Variants in ATP7B observed in about 807,000 individuals in gnomAD.
ATP7B encodes the protein ATPase copper transporting beta, also known as copper-transporting ATPase 2.
In ATP7B, 113 loss-of-function variants were observed where a neutral mutation model predicts 118.9. The ratio of observed to expected loss-of-function variants is 0.95; its 90% CI spans 0.82 to 1.11. The LOEUF (loss-of-function observed/expected upper bound fraction) is 1.11. ATP7B is among the 50% of genes most tolerant of loss of function. ATP7B has a pLI of 0.00. For synonymous variants in ATP7B, 777 were observed against 727.4 expected (o/e 1.07, Z -1.10); for missense variants, 1,867 against 1,871.4 (o/e 1.00, Z 0.04).
chr13:51,940,141 T>C (rs1957241350), intron 16 of ATP7B, among the ~76,000 whole-genome samples: 1 of 149,498 alleles, frequency 6.7e-6, no homozygotes, highest in Non-Finnish European at 1.5e-5. Flanking sequence ...GCCTCCCAAG[T>C]AGCTGGGATT....
rs1593631119 is a variant in ATP7B at position 51,933,627 on chromosome 13, C to A, written c.*1129G>T. ...TGCTGTGGCCACTCCTTTTCTGAAG[C>A]CCCTGGGCAGCGTGCAGAATGCAGG... On this transcript the variant is annotated 3_prime_UTR_variant, in exon 21 of 21. Coordinates refer to ENST00000242839, the MANE Select transcript of ATP7B (RefSeq NM_000053.4). 6.6e-6 allele frequency: 1 copy of A among 152,200 alleles called. No homozygotes were observed. Among genetic ancestry groups the A allele is most frequent in the Non-Finnish European group, 1.5e-5 (1 of 68,060 alleles). 9.4% of individuals were successfully genotyped at this position (152,200 alleles called of 1,614,324 possible).
rs772001153 is a variant in ATP7B, at chr13:52,011,358, T to A, written c.-21A>T. 6.2e-7 allele frequency: 1 copy of A among 1,614,194 alleles called. No homozygotes were observed. The highest frequency in any genetic ancestry group is 8.5e-7 in the Non-Finnish European group (1 of 1,179,988). ...GGCATCGTCCCGCACGGACACCGAA[T>A]TCTTCTCTGATCTGGCTCAGAGCAA... On this transcript the variant is annotated 5_prime_UTR_variant, in exon 1 of 21. Coordinates refer to ENST00000242839, the MANE Select transcript of ATP7B (RefSeq NM_000053.4).
intron 1 of ATP7B, 63 bp downstream of exon 1, chr13:52,011,224 G>C (rs761339916): frequency 5.6e-6 from 9 of 1,611,550 alleles, no homozygotes; most frequent in East Asian, 2.2e-5. Context: ...CGCCGAACGC[G>C]GGGAGGAAAA....
chr13:51,985,007 A>C (rs577816629), intron 1 of ATP7B, among the ~76,000 whole-genome samples: 3 of 152,350 alleles, frequency 2.0e-5, no homozygotes, highest in African/African-American at 7.2e-5. Context: ...AAACTGCATC[A>C]ACTAATAGCC....
intron 1 of ATP7B, among the ~76,000 whole-genome samples, chr13:51,991,419 G>A (rs557731622): frequency 1.3e-5 from 2 of 152,106 alleles, no homozygotes; most frequent in Admixed American, 6.5e-5. Flanking sequence ...CCTTGAGCTC[G>A]GGAGGTGGAG....
In ATP7B at chr13:51,942,568, A is replaced by T; in HGVS notation, c.3244-14T>A. The T allele has an allele frequency of 6.2e-7, 1 of 1,613,862 alleles. No individual in the cohort carries two copies. Among genetic ancestry groups the T allele is most frequent in the Non-Finnish European group, 8.5e-7 (1 of 1,179,964 alleles). ...TGTTCCAAGTTCCTGGGAAGGTGGA[A>T]AGAGAGGAAGAGGAAACTGTAAGCC... On this transcript the variant is annotated splice_polypyrimidine_tract_variant and intron_variant, in intron 14 of 20. Transcript: ENST00000242839.
In ATP7B at chr13:51,961,908, A is replaced by C; in HGVS notation, c.1875T>G (p.Ile625Met). 1 of 1,613,630 alleles carries C rather than the reference A, an allele frequency of 6.2e-7. No homozygotes were observed. Among genetic ancestry groups the C allele is most frequent in the Middle Eastern group, 1.6e-4 (1 of 6,062 alleles). ...PRDIIKIIEEIGFHASLAQRN... is the reference protein window; with the variant it reads ...PRDIIKIIEEMGFHASLAQRN... ...TCTGGGCCAGGGAAGCATGAAAGCC[A>C]ATTTCCTTGTCATTAAAAAGAGAGG... Residue 625 changes from isoleucine (I) to methionine (M), a missense_variant, in exon 6 of 21, where the codon ATT becomes ATG. By Grantham distance (10) the Ile-to-Met change is conservative (BLOSUM62 1). Transcript: ENST00000242839.
chr13:52,006,642 G>A (rs1160000602), intron 1 of ATP7B, among the ~76,000 whole-genome samples: 1 of 152,182 alleles, frequency 6.6e-6, no homozygotes, highest in African/African-American at 2.4e-5. Context: ...CTGTTTTCCT[G>A]TAGGGTAAAG....
At chr13:51,939,605 ATCCT>A (rs1957199776) in intron 16 of ATP7B, among the ~76,000 whole-genome samples, 1 of 152,224 alleles carries the variant, frequency 6.6e-6, no homozygotes, top group Non-Finnish European at 1.5e-5. Flanking sequence ...TAGAAAATCA[ATCCT>A]TCGTCTTTTC....
At chr13:51,942,177 C>CT (rs1957372036) in intron 15 of ATP7B, among the ~76,000 whole-genome samples, 1 of 152,218 alleles carries the variant, frequency 6.6e-6, no homozygotes, top group Non-Finnish European at 1.5e-5. Context: ...AAACAATGCT[C>CT]TATGAATTTA....
chr13:51,987,630 G>C (rs1952720015), intron 1 of ATP7B, among the ~76,000 whole-genome samples: 1 of 152,120 alleles, frequency 6.6e-6, no homozygotes, highest in Admixed American at 6.5e-5. Context: ...AAAGAACAAA[G>C]CCGGAGGCAT....
intron 1 of ATP7B, among the ~76,000 whole-genome samples, chr13:51,993,681 TCA>T (rs1431880548): frequency 6.6e-6 from 1 of 152,212 alleles, no homozygotes; most frequent in Non-Finnish European, 1.5e-5. Context: ...CAAACATATC[TCA>T]GAGTTGGAAA....
intron 1 of ATP7B, among the ~76,000 whole-genome samples, chr13:51,997,667 G>A (rs1200502558): frequency 6.6e-6 from 1 of 152,190 alleles, no homozygotes. Context: ...TCTGGAAACA[G>A]TTTGGGCAGA....
chr13:51,991,219 T>A (rs1160901835), intron 1 of ATP7B, among the ~76,000 whole-genome samples: 1 of 152,188 alleles, frequency 6.6e-6, no homozygotes, highest in Admixed American at 6.5e-5. Flanking sequence ...GTGTCTAACA[T>A]CAATCCTCCC....
At chr13:52,003,638 A>AG (rs398117329) in intron 1 of ATP7B, among the ~76,000 whole-genome samples, 1 of 151,892 alleles carries the variant, frequency 6.6e-6, no homozygotes, top group Admixed American at 6.6e-5. Context: ...AAAAAAAAAA[A>AG]TACAGCATCT....
At chr13:51,982,749 C>T (rs997484698) in intron 1 of ATP7B, among the ~76,000 whole-genome samples, 4 of 152,226 alleles carry the variant, frequency 2.6e-5, no homozygotes, top group African/African-American at 7.2e-5. Context: ...ACAGCGGGTA[C>T]AGCCCATGGA....
chr13:51,965,087 G>C (rs1951480223), intron 4 of ATP7B, 54 bp from the exon 5 acceptor site: 2 of 1,609,384 alleles, frequency 1.2e-6, no homozygotes, highest in Non-Finnish European at 1.7e-6. Flanking sequence ...GAAAGCCTGT[G>C]AAAGCCAGTC....
chr13:51,943,388 C>T (rs1227880553), intron 14 of ATP7B, among the ~76,000 whole-genome samples: 1 of 152,046 alleles, frequency 6.6e-6, no homozygotes, highest in Admixed American at 6.5e-5. Context: ...TCTGACCCTA[C>T]ATGAAGGACA....
At chr13:52,000,912 C>G (rs561097835) in intron 1 of ATP7B, among the ~76,000 whole-genome samples, 2 of 152,238 alleles carry the variant, frequency 1.3e-5, no homozygotes, top group Admixed American at 1.3e-4. Flanking sequence ...CCCAGCTACT[C>G]AGAAGGCTGA....
Sources: gnomAD v4.1 joint callset for allele counts (sites outside exome capture counted in the v4.1 genomes callset) on GRCh38, gnomAD v4.1.1 for gene constraint, MANE v1.5 for transcripts, NCBI Gene and HGNC (gene_info 2026-07-23, HGNC 2026-07-21) for gene names.